Variants in HPSE observed in about 807,000 individuals in gnomAD.
The protein encoded by HPSE is endo-glucoronidase.
In HPSE, 48 loss-of-function variants were observed where a neutral mutation model predicts 65.1. That is an observed-to-expected ratio of 0.74 (90% confidence interval 0.58 to 0.94). The LOEUF (loss-of-function observed/expected upper bound fraction) is 0.94. HPSE is among the 40% of genes least tolerant of loss of function. HPSE has a pLI of 0.00. For missense variants in HPSE, 644 were observed against 637.5 expected (o/e 1.01, Z -0.11); for synonymous variants, 243 against 260.0 (o/e 0.93, Z 0.63).
At chr4:83,310,279 CTTT>C (rs1317579182) in intron 5 of HPSE, among the ~76,000 whole-genome samples, 2 of 151,942 alleles carry the variant, frequency 1.3e-5, no homozygotes, top group African/African-American at 4.8e-5. Context: ...TCAAAATTTC[CTTT>C]TTTTGGTAAA....
chr4:83,333,845 A>T (rs79843948), intron 1 of HPSE, among the ~76,000 whole-genome samples: 1 of 86 alleles, frequency 0.012, no homozygotes, highest in Non-Finnish European at 0.062. Context: ...TCATCTGCCT[A>T]AAAAAAAAAA....
At chr4:83,324,982 G>T (rs920278802) in intron 1 of HPSE, among the ~76,000 whole-genome samples, 1 of 152,126 alleles carries the variant, frequency 6.6e-6, no homozygotes, top group Non-Finnish European at 1.5e-5. Context: ...AACAATAAAA[G>T]AATATATATT....
chr4:83,298,754 G>A (rs1045266895), intron 11 of HPSE, among the ~76,000 whole-genome samples: 2 of 152,108 alleles, frequency 1.3e-5, no homozygotes, highest in African/African-American at 4.8e-5. Context: ...CTTGAGCCCA[G>A]GTAGCGGTGG....
intron 11 of HPSE, among the ~76,000 whole-genome samples, chr4:83,296,607 G>A (rs937374897): frequency 3.2e-4 from 48 of 151,674 alleles, no homozygotes; most frequent in African/African-American, 1.1e-3. Context: ...CCTGGGAGGC[G>A]GAGGTTGCAG....
chr4:83,312,893 GT>G, intron 4 of HPSE, among the ~76,000 whole-genome samples: 1 of 102,404 alleles, frequency 9.8e-6, no homozygotes, highest in African/African-American at 4.2e-5. Flanking sequence ...GCGGTGGCGG[GT>G]GCCTGTAGTC....
intron 8 of HPSE, among the ~76,000 whole-genome samples, chr4:83,308,084 G>A (rs1478866221): frequency 4.5e-5 from 6 of 134,324 alleles, no homozygotes; most frequent in African/African-American, 2.8e-5. Context: ...GCTGTAATAT[G>A]CTCTAACTTG....
At chr4:83,307,450 T>C (rs1413942374) in intron 8 of HPSE, among the ~76,000 whole-genome samples, 1 of 152,186 alleles carries the variant, frequency 6.6e-6, no homozygotes, top group East Asian at 1.9e-4. Flanking sequence ...CTTTACATCT[T>C]TCCATATGAT....
At chr4:83,319,299 T>C (rs202177456) in intron 3 of HPSE, 45 bp downstream of exon 3, 344 of 1,603,372 alleles carry the variant, frequency 2.1e-4, no homozygotes, top group Middle Eastern at 3.3e-4. Context: ...CCTATTCAAA[T>C]ATCTTTGGGG....
Position 83,310,800 on chromosome 4 carries a change from T to G in HPSE, c.764A>C (p.Lys255Thr). ...DFIQLHKLLR[K>T]STFKNAKLYG... ...GAGTTTTGCATTTTTGAAGGTGGAC[T>G]TTCTTAGAAGTTTATGCAATTGAAT... Residue 255 changes from lysine to threonine, a missense_variant, in exon 5 of 12, where the codon AAG becomes ACG. Lys to Thr is a moderately conservative substitution (Grantham distance 78, BLOSUM62 -1). Transcript: ENST00000311412. 1 of 1,614,166 alleles carries G rather than the reference T, an allele frequency of 6.2e-7. No individual in the cohort carries two copies. Among genetic ancestry groups the G allele is most frequent in the Non-Finnish European group, 8.5e-7 (1 of 1,179,978 alleles).
chr4:83,310,661 G>T, intron 5 of HPSE, 61 bp downstream of exon 5: 1 of 1,457,168 alleles, frequency 6.9e-7, no homozygotes, highest in Non-Finnish European at 9.4e-7. Flanking sequence ...GACAGAGTGA[G>T]ACTCTGTCTC....
Position 83,310,885 on chromosome 4 carries a change from T to G in HPSE, c.679A>C (p.Asn227His). Reference protein sequence around the residue: ...NISWELGNEPNSFLKKADIFI... With the variant: ...NISWELGNEPHSFLKKADIFI... ...ATATCAGCCTTCTTAAGGAAACTGT[T>G]AGGTTCTGAAAGACAGCAATTCTCA... is the stretch of plus-strand genomic sequence containing the variant. The change falls in exon 5 of 12, where the codon AAC becomes CAC. Residue 227 changes from asparagine to histidine, a missense_variant. Asn to His is a moderately conservative substitution (Grantham distance 68, BLOSUM62 1). Transcript: ENST00000311412. The G allele has an allele frequency of 6.2e-7, 1 of 1,611,812 alleles. No homozygotes were observed. Among genetic ancestry groups the G allele is most frequent in the Non-Finnish European group, 8.5e-7 (1 of 1,178,494 alleles).
At position 83,326,649 on chromosome 4, in the gene HPSE, G is replaced by A. The variant is rs191900086; in HGVS notation, c.228-4285C>T. 2.0e-4 allele frequency among the ~76,000 whole-genome samples: 31 copies of A among 152,188 alleles called. No individual in the cohort carries two copies. Among genetic ancestry groups the A allele is most frequent in the Non-Finnish European group, 4.4e-4 (30 of 68,022 alleles). On this transcript the variant is annotated intron_variant, in intron 1 of 11. Coordinates refer to ENST00000311412, the MANE Select transcript of HPSE (RefSeq NM_001098540.3). The surrounding 1 kb of genome is among the most constrained non-coding windows in gnomAD (Gnocchi z 4.2). ...GTCCTCAGTAGAAATGTCAGGGACT[G>A]GCAACCCCTAGCTCACAGGTCACAA...
intron 3 of HPSE, among the ~76,000 whole-genome samples, chr4:83,318,272 C>T (rs1736732202): frequency 6.6e-6 from 1 of 152,130 alleles, no homozygotes; most frequent in African/African-American, 2.4e-5. Context: ...GATATGGGAA[C>T]ATCATCCCTC....
At position 83,312,841 on chromosome 4, in the gene HPSE, CAAAAAAAAAAAAAAA is replaced by C. The variant is rs1200808673; in HGVS notation, c.673+258_673+272del. ...TGAAACCCCGTCTCTACTAAAAATG[CAAAAAAAAAAAAAAA>C]AAAAAAAAAAAAAAAATTAGCTGGG... On this transcript the variant is annotated intron_variant, in intron 4 of 11. Transcript: ENST00000311412. Among the ~76,000 whole-genome samples, 15 of 10,990 alleles carry C rather than the reference CAAAAAAAAAAAAAAA, an allele frequency of 1.4e-3. 1 individual carries two copies. The highest frequency in any genetic ancestry group is 4.6e-3 in the Admixed American group (3 of 658). The allele number at this position is 10,990 out of a possible 152,430, so 7.2% of individuals were successfully genotyped here. A position where few individuals can be genotyped will look rare whatever the true frequency, so the allele number is the denominator to read the frequency against.
chr4:83,334,874 T>G, upstream of HPSE: 1 of 1,433,482 alleles, frequency 7.0e-7, no homozygotes, highest in Non-Finnish European at 9.1e-7. Flanking sequence ...CCAGCGCCCT[T>G]TTCTCCTTTC....
At chr4:83,329,859 A>C (rs1227984523) in intron 1 of HPSE, among the ~76,000 whole-genome samples, 2 of 152,102 alleles carry the variant, frequency 1.3e-5, no homozygotes, top group East Asian at 3.9e-4. Context: ...TCAGTTAATA[A>C]GGGGGAGTAA....
In HPSE at chr4:83,293,165, G is replaced by A. The variant is rs1439001540; in HGVS notation, c.*2179C>T. On this transcript the variant is annotated 3_prime_UTR_variant, in exon 12 of 12. Transcript: ENST00000311412. The stretch of plus-strand genomic sequence containing the variant: ...GACCAACACCCTCTCCATTCCAAAG[G>A]GTTACTCAGAGACAATTATAGGAAC... 6.6e-6 allele frequency: 1 copy of A among 152,154 alleles called. No individual in the cohort carries two copies. The highest frequency in any genetic ancestry group is 6.5e-5 in the Admixed American group (1 of 15,276). 9.4% of individuals were successfully genotyped at this position (152,154 alleles called of 1,614,324 possible). A position where few individuals can be genotyped will look rare whatever the true frequency, so the allele number is the denominator to read the frequency against.
chr4:83,309,581 T>C, intron 6 of HPSE, 86 bp from the exon 7 acceptor site: 1 of 755,632 alleles, frequency 1.3e-6, no homozygotes, highest in African/African-American at 1.8e-5. Context: ...TTCTCCTTCT[T>C]ACCTCTCCCA....
chr4:83,334,957 C>G, upstream of HPSE: 1 of 1,046,018 alleles, frequency 9.6e-7, no homozygotes, highest in Middle Eastern at 3.2e-4. Flanking sequence ...TGCATCCCTC[C>G]CACTGCTCCC....
Sources: allele counts gnomAD v4.1 joint callset (sites outside exome capture counted in the v4.1 genomes callset), GRCh38; gene constraint gnomAD v4.1.1; non-coding constraint Gnocchi (gnomAD v3.1); transcripts MANE v1.5; gene names NCBI Gene and HGNC (gene_info 2026-07-23, HGNC 2026-07-21).